The following ERC2 variants were observed in gnomAD, a reference collection of about 807,000 sequenced individuals.
ERC2 encodes the protein ERC protein 2.
A neutral mutation model predicts 114.8 loss-of-function variants in ERC2; 42 were observed. The ratio of observed to expected loss-of-function variants is 0.37; its 90% CI spans 0.29 to 0.47. The LOEUF (loss-of-function observed/expected upper bound fraction) is 0.47. ERC2 is among the 20% of genes least tolerant of loss of function. The pLI is 0.99. For synonymous variants in ERC2, 454 were observed against 425.5 expected (o/e 1.07, Z -0.82); for missense variants, 939 against 1,150.7 (o/e 0.82, Z 2.66).
intron 17 of ERC2, among the ~76,000 whole-genome samples, chr3:55,660,045 T>C (rs576494830): frequency 2.6e-5 from 4 of 152,148 alleles, no homozygotes; most frequent in African/African-American, 7.2e-5. Context: ...AGTATGGAAC[T>C]CACCTTATTC....
chr3:56,144,417 C>T (rs557267511), intron 5 of ERC2, among the ~76,000 whole-genome samples: 1 of 152,350 alleles, frequency 6.6e-6, no homozygotes, highest in East Asian at 1.9e-4. Context: ...CTGTAGCTGA[C>T]AGCACAGTTT....
chr3:56,459,719 C>T (rs772650456), intron 1 of ERC2, among the ~76,000 whole-genome samples: 1 of 152,220 alleles, frequency 6.6e-6, no homozygotes, highest in African/African-American at 2.4e-5. Context: ...GGGCTATAAT[C>T]TCACCATTGA....
At chr3:55,987,482 T>G (rs2070727157) in intron 11 of ERC2, among the ~76,000 whole-genome samples, 1 of 152,222 alleles carries the variant, frequency 6.6e-6, no homozygotes, top group Non-Finnish European at 1.5e-5. Flanking sequence ...TGCCACTTGT[T>G]TTCAAGAAAT....
chr3:56,106,937 C>T (rs1412802132), intron 6 of ERC2, among the ~76,000 whole-genome samples: 1 of 152,144 alleles, frequency 6.6e-6, no homozygotes, highest in East Asian at 1.9e-4. Flanking sequence ...ACCTAATCAC[C>T]ACGGTGAATC....
At chr3:55,662,403 G>A (rs1223394260) in intron 17 of ERC2, among the ~76,000 whole-genome samples, 3 of 152,200 alleles carry the variant, frequency 2.0e-5, no homozygotes, top group African/African-American at 7.2e-5. Context: ...AGAAAATAAG[G>A]TAGGTCTATA....
intron 2 of ERC2, among the ~76,000 whole-genome samples, chr3:56,410,927 G>A (rs1323593432): frequency 6.6e-6 from 1 of 151,580 alleles, no homozygotes; most frequent in Non-Finnish European, 1.5e-5. Flanking sequence ...CCAGGATACA[G>A]TAGGAATATG....
chr3:55,888,566 G>C lies in ERC2; in HGVS notation c.2404-17C>G. ...TTCCTCTATCTGAAAGGCACATGGA[G>C]CTCTGTGTGTTATTTCTCCTTCATT... On this transcript the variant is annotated splice_polypyrimidine_tract_variant and intron_variant, in intron 13 of 17. Transcript: ENST00000288221. The C allele has an allele frequency of 5.0e-6, 8 of 1,612,566 alleles. No homozygotes were observed. The highest frequency in any genetic ancestry group is 6.8e-6 in the Non-Finnish European group (8 of 1,178,796).
In ERC2 at chr3:55,743,921, G is replaced by A. The variant is rs546493247; in HGVS notation, c.2565-9003C>T. Among the ~76,000 whole-genome samples, 7 of 152,248 alleles carry A rather than the reference G, an allele frequency of 4.6e-5. No individual in the cohort carries two copies. The South Asian group carries it at 6.2e-4, about 14-fold the overall frequency. ...GAGAATATGGTGGAGGCAGGGAACC[G>A]AAGGCCATTTCACTCCAACTTCCTA... On this transcript the variant is annotated intron_variant, in intron 14 of 17. Coordinates refer to ENST00000288221, the MANE Select transcript of ERC2 (RefSeq NM_015576.3).
intron 17 of ERC2, among the ~76,000 whole-genome samples, chr3:55,669,250 T>A (rs1432218543): frequency 6.6e-6 from 1 of 152,216 alleles, no homozygotes; most frequent in Non-Finnish European, 1.5e-5. Flanking sequence ...TTTCATGTGA[T>A]TTCTGAAAGA....
At chr3:55,577,629 T>TC (rs756449386) in intron 17 of ERC2, among the ~76,000 whole-genome samples, 1 of 151,928 alleles carries the variant, frequency 6.6e-6, no homozygotes, top group Non-Finnish European at 1.5e-5. Context: ...CCTAAAGACA[T>TC]CCCCATAGTC....
chr3:55,952,175 ACACACTCTCTCTCTCTCT>A lies in ERC2; in HGVS notation c.2268-1633_2268-1616del, dbSNP rs1294127945. Among the ~76,000 whole-genome samples, 337 of 63,326 alleles carry A rather than the reference ACACACTCTCTCTCTCTCT, an allele frequency of 5.3e-3. 18 individuals carry two copies. The highest frequency in any genetic ancestry group is 0.018 in the African/African-American group (314 of 17,204). The allele number at this position is 63,326 out of a possible 152,430, so 41.5% of individuals were successfully genotyped here. The stretch of plus-strand genomic sequence containing the variant: ...CACACACACACACACACACACACAC[ACACACTCTCTCTCTCTCT>A]CTCTCTATATATATATATATATATT... On this transcript the variant is annotated intron_variant, in intron 12 of 17. Coordinates refer to ENST00000288221, the MANE Select transcript of ERC2 (RefSeq NM_015576.3).
intron 17 of ERC2, among the ~76,000 whole-genome samples, chr3:55,673,131 G>A (rs961908229): frequency 6.6e-5 from 10 of 152,092 alleles, no homozygotes; most frequent in East Asian, 1.9e-4. Flanking sequence ...TCCACATTCC[G>A]TGAGGGGGAA....
intron 14 of ERC2, among the ~76,000 whole-genome samples, chr3:55,850,744 C>T (rs1208520401): frequency 1.3e-5 from 2 of 152,028 alleles, no homozygotes; most frequent in East Asian, 3.9e-4. Flanking sequence ...GAGTTGTTCC[C>T]TATGGCACCT....
At chr3:55,584,961 G>C (rs990041707) in intron 17 of ERC2, among the ~76,000 whole-genome samples, 1 of 152,144 alleles carries the variant, frequency 6.6e-6, no homozygotes, top group Non-Finnish European at 1.5e-5. Context: ...AAAATACCCG[G>C]GGAGTTACAA....
chr3:55,548,552 A>T lies in ERC2; in HGVS notation c.*40-37276T>A, dbSNP rs563325410. Among the ~76,000 whole-genome samples, 95 of 152,306 alleles carry T rather than the reference A, an allele frequency of 6.2e-4. 1 individual carries two copies. Among genetic ancestry groups the T allele is most frequent in the Middle Eastern group, 3.4e-3 (1 of 294 alleles). On this transcript the variant is annotated intron_variant, in intron 17 of 17. Coordinates refer to ENST00000288221, the MANE Select transcript of ERC2 (RefSeq NM_015576.3). The stretch of plus-strand genomic sequence containing the variant: ...TCTGGGCTAGAAAACAAGGGCAGGG[A>T]AAAACCCCAGCCACACAGACATACG...
intron 13 of ERC2, among the ~76,000 whole-genome samples, chr3:55,897,594 GC>G (rs1334679719): frequency 6.6e-6 from 1 of 152,116 alleles, no homozygotes. Flanking sequence ...GCTGGACTTG[GC>G]CCAGCACAAC....
chr3:56,270,405 A>C, intron 3 of ERC2, among the ~76,000 whole-genome samples: 1 of 152,182 alleles, frequency 6.6e-6, no homozygotes, highest in Admixed American at 6.5e-5. Flanking sequence ...GTTGTTAAAT[A>C]TTAAATTCTA....
chr3:55,977,088 T>C (rs1424525803), intron 12 of ERC2, among the ~76,000 whole-genome samples: 1 of 152,228 alleles, frequency 6.6e-6, no homozygotes, highest in Non-Finnish European at 1.5e-5. Context: ...CTTTCCACTC[T>C]CCAGAACTGT....
intron 12 of ERC2, among the ~76,000 whole-genome samples, chr3:55,975,029 T>A (rs1254335530): frequency 6.6e-6 from 1 of 152,208 alleles, no homozygotes; most frequent in Non-Finnish European, 1.5e-5. Flanking sequence ...GACACAGTGT[T>A]TATGATTCTG....
Sources: allele counts gnomAD v4.1 joint callset (sites outside exome capture counted in the v4.1 genomes callset), GRCh38; gene constraint gnomAD v4.1.1; transcripts MANE v1.5; gene names NCBI Gene and HGNC (gene_info 2026-07-23, HGNC 2026-07-21).